UXS1: variants seen among roughly 807,000 people sequenced by gnomAD.
UXS1 encodes the protein UDP-glucuronic acid decarboxylase 1.
In UXS1, 33 loss-of-function variants were observed where a neutral mutation model predicts 62.6. The observed-to-expected ratio is 0.53, with a 90% CI of 0.40 to 0.70. UXS1 has a LOEUF of 0.70. Ranked by LOEUF, UXS1 falls within the 30% of genes least tolerant of loss-of-function variation. The pLI, the probability that UXS1 is intolerant of heterozygous loss-of-function variation, is 0.00. For synonymous variants in UXS1, 213 were observed against 206.8 expected (o/e 1.03, Z -0.26); for missense variants, 434 against 556.3 (o/e 0.78, Z 2.21).
At chr2:106,130,485 G>A (rs1680355993) in intron 6 of UXS1, among the ~76,000 whole-genome samples, 1 of 152,216 alleles carries the variant, frequency 6.6e-6, no homozygotes, top group Non-Finnish European at 1.5e-5. Context: ...CATCCTTCCA[G>A]ACAAAGTCCA....
chr2:106,101,090 T>C lies in UXS1; in HGVS notation c.952A>G (p.Met318Val), dbSNP rs778012977. Reference protein sequence around the residue: ...SDLVNGLVALMNSNVSSPVNL... With the variant: ...SDLVNGLVALVNSNVSSPVNL... Reference sequence around the variant, plus strand: ...ACCGGGCTGCTGACGTTGCTGTTCATGAGAGCCACGAGGCCATTCACTAGA... The same window carrying C: ...ACCGGGCTGCTGACGTTGCTGTTCACGAGAGCCACGAGGCCATTCACTAGA... The change falls in exon 12 of 15, where the codon ATG becomes GTG. Residue 318 changes from methionine (M) to valine (V), a missense_variant. Met to Val is a conservative substitution (Grantham distance 21). Transcript: ENST00000283148. 2.4e-5 allele frequency: 39 copies of C among 1,613,604 alleles called. No homozygotes were observed. The highest frequency in any genetic ancestry group is 3.3e-5 in the Non-Finnish European group (39 of 1,179,836).
chr2:106,098,040 A>G lies in UXS1; in HGVS notation c.1042+676T>C, dbSNP rs79646211. Among the ~76,000 whole-genome samples, 1,346 of 152,308 alleles carry G rather than the reference A, an allele frequency of 8.8e-3. 12 individuals are homozygous for G. Among genetic ancestry groups the G allele is most frequent in the South Asian group, 0.035 (171 of 4,826 alleles). On this transcript the variant is annotated intron_variant, in intron 13 of 14. Transcript: ENST00000283148. ...GGTCTGAATGGTCACCTCAGGACACACTGTGGCATACTCCTCCTTGGCCTA... is the reference window on the plus strand; with the variant it reads ...GGTCTGAATGGTCACCTCAGGACACGCTGTGGCATACTCCTCCTTGGCCTA...
chr2:106,113,544 C>T (rs897205935), intron 9 of UXS1, among the ~76,000 whole-genome samples: 1 of 152,190 alleles, frequency 6.6e-6, no homozygotes, highest in African/African-American at 2.4e-5. Flanking sequence ...GAAGTGCATA[C>T]TTGAATAACA....
At chr2:106,166,699 C>CT (rs10659239) in intron 1 of UXS1, among the ~76,000 whole-genome samples, 69,920 of 126,958 alleles carry the variant, frequency 0.55, 20,013 homozygotes, top group Non-Finnish European at 0.58. Flanking sequence ...GCAGGTGAAG[C>CT]TTTTTTTTTT....
chr2:106,182,267 A>G (rs907775581), intron 1 of UXS1, among the ~76,000 whole-genome samples: 1 of 152,194 alleles, frequency 6.6e-6, no homozygotes, highest in Non-Finnish European at 1.5e-5. Flanking sequence ...AACAAAACTC[A>G]TAATGTTTTA....
intron 4 of UXS1, among the ~76,000 whole-genome samples, chr2:106,158,684 T>A (rs951653337): frequency 4.6e-5 from 7 of 152,186 alleles, no homozygotes; most frequent in African/African-American, 1.7e-4. Flanking sequence ...AGAGTTATGG[T>A]AGGGTCTGAA....
intron 1 of UXS1, among the ~76,000 whole-genome samples, chr2:106,191,183 G>C (rs1340808443): frequency 2.0e-5 from 3 of 152,154 alleles, no homozygotes; most frequent in Non-Finnish European, 4.4e-5. Context: ...CAAAGACTTT[G>C]GGAAAGATGT....
intron 6 of UXS1, among the ~76,000 whole-genome samples, chr2:106,130,943 C>G (rs1232322444): frequency 1.3e-5 from 2 of 152,140 alleles, no homozygotes; most frequent in African/African-American, 4.8e-5. Context: ...CTACAGCTCC[C>G]AGCGTGAGCG....
intron 5 of UXS1, among the ~76,000 whole-genome samples, chr2:106,154,317 T>G (rs1479621253): frequency 1.3e-5 from 2 of 152,226 alleles, no homozygotes; most frequent in Admixed American, 6.5e-5. Context: ...TGAAAACAGA[T>G]GTACTAGGTT....
chr2:106,147,868 C>T (rs1681694601), intron 5 of UXS1, among the ~76,000 whole-genome samples: 1 of 152,178 alleles, frequency 6.6e-6, no homozygotes, highest in South Asian at 2.1e-4. Context: ...TTTCAGTTAA[C>T]AAGGCCAACC....
intron 1 of UXS1, among the ~76,000 whole-genome samples, chr2:106,173,773 TTC>T (rs1191107133): frequency 6.6e-6 from 1 of 152,236 alleles, no homozygotes; most frequent in Non-Finnish European, 1.5e-5. Context: ...TGAACTAGTA[TTC>T]TTTTTGACTT....
At chr2:106,183,388 C>T (rs1684367763) in intron 1 of UXS1, 1 of 152,220 alleles carries the variant, frequency 6.6e-6, no homozygotes, top group Non-Finnish European at 1.5e-5. Flanking sequence ...GATCTCACCA[C>T]CCTAACAAAA....
chr2:106,113,172 A>G (rs1678763521), intron 9 of UXS1, among the ~76,000 whole-genome samples: 2 of 152,214 alleles, frequency 1.3e-5, no homozygotes, highest in South Asian at 2.1e-4. Context: ...TAATCACTCA[A>G]TAGAGATTTA....
In UXS1 at chr2:106,130,030, G is replaced by A. The variant is rs546512174; in HGVS notation, c.473-252C>T. Reference sequence around the variant, plus strand: ...GTTCTCGTGTAACCAGAGTCAATTCGATTACTGAGTTGATTGTTTTCTGAA... The same window carrying A: ...GTTCTCGTGTAACCAGAGTCAATTCAATTACTGAGTTGATTGTTTTCTGAA... On this transcript the variant is annotated intron_variant, in intron 6 of 14. Coordinates refer to ENST00000283148, the MANE Select transcript of UXS1 (RefSeq NM_001253875.2). 1.8e-4 allele frequency among the ~76,000 whole-genome samples: 27 copies of A among 152,252 alleles called. 1 individual carries two copies. In the South Asian group the frequency reaches 1.9e-3, roughly 11 times the overall value.
chr2:106,120,072 C>T (rs1047340668), intron 9 of UXS1, among the ~76,000 whole-genome samples: 9 of 152,170 alleles, frequency 5.9e-5, no homozygotes, highest in Non-Finnish European at 1.2e-4. Flanking sequence ...CTCCTCAGCA[C>T]CCATTCAGAA....
At chr2:106,110,868 T>C (rs935907120) in intron 10 of UXS1, among the ~76,000 whole-genome samples, 1 of 152,180 alleles carries the variant, frequency 6.6e-6, no homozygotes, top group Non-Finnish European at 1.5e-5. Flanking sequence ...ATGGTTATGG[T>C]AACTAGCCTG....
At chr2:106,107,180 T>C (rs1036669716) in intron 10 of UXS1, among the ~76,000 whole-genome samples, 3 of 152,184 alleles carry the variant, frequency 2.0e-5, no homozygotes, top group Non-Finnish European at 4.4e-5. Context: ...AGCGCACAGA[T>C]GCACCTCTGC....
At chr2:106,149,803 C>G (rs561816827) in intron 5 of UXS1, among the ~76,000 whole-genome samples, 3 of 152,098 alleles carry the variant, frequency 2.0e-5, no homozygotes, top group Non-Finnish European at 4.4e-5. Context: ...GAGGTGCATG[C>G]TAGAAAAAGC....
At chr2:106,179,643 T>G (rs1256913630) in intron 1 of UXS1, 2 of 152,232 alleles carry the variant, frequency 1.3e-5, no homozygotes, top group East Asian at 1.9e-4. Context: ...GGGGTTTCAC[T>G]CTTATTCAAG....
Sources: gnomAD v4.1 joint callset for allele counts (sites outside exome capture counted in the v4.1 genomes callset) on GRCh38, gnomAD v4.1.1 for gene constraint, MANE v1.5 for transcripts, NCBI Gene and HGNC (gene_info 2026-07-23, HGNC 2026-07-21) for gene names.